The following PDZD2 variants were observed in gnomAD, a reference collection of about 807,000 sequenced individuals.
PDZD2 encodes the protein PDZ domain containing 2.
Under a neutral mutation model 220.7 loss-of-function variants are expected in PDZD2, and 90 were observed. The observed-to-expected ratio is 0.41, with a 90% CI of 0.34 to 0.49. The LOEUF is 0.49. PDZD2 is among the 20% of genes least tolerant of loss of function. The pLI is 0.28. For synonymous variants in PDZD2, 1,375 were observed against 1,450.5 expected (o/e 0.95, Z 1.18); for missense variants, 3,174 against 3,608.5 (o/e 0.88, Z 3.08).
chr5:31,926,303 C>T (rs1218769087), intron 2 of PDZD2, among the ~76,000 whole-genome samples: 3 of 151,042 alleles, frequency 2.0e-5, no homozygotes, highest in East Asian at 1.9e-4. Context: ...CTGAGGCGGG[C>T]GGATCACCTG....
At chr5:31,681,123 C>A (rs1052475194) in intron 1 of PDZD2, among the ~76,000 whole-genome samples, 3 of 152,142 alleles carry the variant, frequency 2.0e-5, no homozygotes, top group African/African-American at 7.2e-5. Context: ...TCACTAAATG[C>A]TTCTGAATAT....
At chr5:31,686,799 T>C (rs1746890581) in intron 1 of PDZD2, among the ~76,000 whole-genome samples, 1 of 152,254 alleles carries the variant, frequency 6.6e-6, no homozygotes, top group Non-Finnish European at 1.5e-5. Flanking sequence ...AAACTTATTT[T>C]TGCATATATT....
rs1744867046 is a variant in PDZD2 at position 31,639,719 on chromosome 5, AC to A, written c.-361+283del. On this transcript the variant is annotated intron_variant, in intron 1 of 24. Transcript: ENST00000438447. The surrounding 1 kb of genome is among the most constrained non-coding windows in gnomAD (Gnocchi z 4.1). ...GAGACAGCGGGACAACCGGAGACGCACTGCCGGGGGTACTCAAGACAGGGCC... is the reference window on the plus strand; with the variant it reads ...GAGACAGCGGGACAACCGGAGACGCATGCCGGGGGTACTCAAGACAGGGCC... 1.3e-5 allele frequency among the ~76,000 whole-genome samples: 2 copies of A among 152,106 alleles called. No individual in the cohort carries two copies. Among genetic ancestry groups the A allele is most frequent in the Admixed American group, 1.3e-4 (2 of 15,278 alleles).
At chr5:31,994,305 G>C (rs1039191026) in intron 3 of PDZD2, among the ~76,000 whole-genome samples, 4 of 151,944 alleles carry the variant, frequency 2.6e-5, no homozygotes, top group Admixed American at 6.6e-5. Context: ...ACCACGCCCA[G>C]CCTGTTTTTT....
chr5:31,705,896 C>G (rs951498023), intron 1 of PDZD2, among the ~76,000 whole-genome samples: 8 of 152,172 alleles, frequency 5.3e-5, no homozygotes, highest in African/African-American at 1.9e-4. Flanking sequence ...CTGAAAAATA[C>G]AAAATTTACC....
At chr5:31,685,994 T>C (rs921830520) in intron 1 of PDZD2, among the ~76,000 whole-genome samples, 2 of 152,020 alleles carry the variant, frequency 1.3e-5, no homozygotes, top group Non-Finnish European at 2.9e-5. Flanking sequence ...GGTCAGGAGT[T>C]CGAGATCAGC....
chr5:32,063,873 A>G (rs1017368717), intron 14 of PDZD2, among the ~76,000 whole-genome samples: 4 of 152,220 alleles, frequency 2.6e-5, no homozygotes, highest in Admixed American at 6.5e-5. Flanking sequence ...GCATTTTGTT[A>G]GAGTGTGAGG....
intron 1 of PDZD2, among the ~76,000 whole-genome samples, chr5:31,662,862 C>A (rs1022093772): frequency 6.6e-6 from 1 of 152,194 alleles, no homozygotes; most frequent in Admixed American, 6.5e-5. Flanking sequence ...GATCTCCTGA[C>A]CTTGTGATCC....
chr5:32,041,447 T>G (rs190599013), intron 7 of PDZD2, among the ~76,000 whole-genome samples: 2,370 of 152,144 alleles, frequency 0.016, 68 homozygotes, highest in African/African-American at 0.053. Context: ...TTACTGTGTC[T>G]GTGTAGAAAG....
At chr5:31,782,906 G>C (rs1306561057) in intron 1 of PDZD2, among the ~76,000 whole-genome samples, 1 of 151,762 alleles carries the variant, frequency 6.6e-6, no homozygotes, top group Non-Finnish European at 1.5e-5. Flanking sequence ...TAGAGACGGG[G>C]TTTCACCATG....
At chr5:32,106,635 G>A (rs1744790262) in intron 24 of PDZD2, 1 of 152,194 alleles carries the variant, frequency 6.6e-6, no homozygotes, top group Non-Finnish European at 1.5e-5. Flanking sequence ...TTCAGTGTGC[G>A]TCAGGCTGTT....
intron 1 of PDZD2, among the ~76,000 whole-genome samples, chr5:31,791,930 C>T (rs1198604864): frequency 6.6e-6 from 1 of 152,120 alleles, no homozygotes; most frequent in African/African-American, 2.4e-5. Context: ...GGTAAAAATC[C>T]ACATAACAGC....
intron 2 of PDZD2, among the ~76,000 whole-genome samples, chr5:31,944,580 G>C (rs894943630): frequency 2.0e-5 from 3 of 152,356 alleles, no homozygotes; most frequent in Admixed American, 2.0e-4. Context: ...TCCAGGAGAG[G>C]AAATGTGGGA....
chr5:31,814,596 G>A (rs1204817776), intron 2 of PDZD2, among the ~76,000 whole-genome samples: 2 of 152,160 alleles, frequency 1.3e-5, no homozygotes, highest in South Asian at 4.1e-4. Flanking sequence ...GCCAAGGCAG[G>A]TGGATCACCT....
Position 31,916,374 on chromosome 5 carries a change from C to T in PDZD2, c.477-66781C>T, listed in dbSNP as rs537409483. 9.8e-5 allele frequency among the ~76,000 whole-genome samples: 15 copies of T among 152,332 alleles called. No homozygotes were observed. In the South Asian group the frequency reaches 2.9e-3, roughly 29 times the overall value. ...ACCCCTCCAGGGGAGGGTGCCCTTGCGTACCCACAGTCAGGTGTAGAGGCC... is the reference window on the plus strand; with the variant it reads ...ACCCCTCCAGGGGAGGGTGCCCTTGTGTACCCACAGTCAGGTGTAGAGGCC... On this transcript the variant is annotated intron_variant, in intron 2 of 24. Transcript: ENST00000438447.
At chr5:31,763,277 G>A (rs116764433) in intron 1 of PDZD2, among the ~76,000 whole-genome samples, 15 of 152,198 alleles carry the variant, frequency 9.9e-5, no homozygotes, top group African/African-American at 2.2e-4. Context: ...TAGGGCCTCC[G>A]GTATCAGGCG....
At chr5:31,869,225 T>C (rs1249651374) in intron 2 of PDZD2, among the ~76,000 whole-genome samples, 1 of 152,218 alleles carries the variant, frequency 6.6e-6, no homozygotes, top group Admixed American at 6.5e-5. Context: ...CTGGACTTGG[T>C]CAGCTGTGCG....
chr5:31,953,130 T>G (rs58861008), intron 2 of PDZD2, among the ~76,000 whole-genome samples: 49,741 of 151,410 alleles, frequency 0.33, 8,428 homozygotes, highest in Middle Eastern at 0.45. Flanking sequence ...AACTGTACTT[T>G]AAAGTTCTAG....
chr5:31,855,007 GCCCCAGGC>G (rs1196377752), intron 2 of PDZD2: 2 of 985,260 alleles, frequency 2.0e-6, no homozygotes, highest in African/African-American at 1.7e-5. Flanking sequence ...GCTGGCAGCC[GCCCCAGGC>G]CCCCGGGCCG....
Sources: gnomAD v4.1 joint callset for allele counts (sites outside exome capture counted in the v4.1 genomes callset) on GRCh38, gnomAD v4.1.1 for gene constraint, Gnocchi (gnomAD v3.1) non-coding constraint, MANE v1.5 for transcripts, NCBI Gene and HGNC (gene_info 2026-07-23, HGNC 2026-07-21) for gene names.